The following BRMS1L variants were observed in gnomAD, a reference collection of about 807,000 sequenced individuals.
The protein encoded by BRMS1L is BRMS1 like transcriptional repressor.
BRMS1L carries 23 observed loss-of-function variants against 50.3 expected under a neutral mutation model. The observed-to-expected ratio is 0.46, with a 90% CI of 0.33 to 0.65. BRMS1L has a LOEUF of 0.65. Among genes scored for constraint, BRMS1L ranks in the 30% least tolerant of loss-of-function variants. The pLI is 0.02. For synonymous variants in BRMS1L, 114 were observed against 126.9 expected, an observed-to-expected ratio of 0.90 and a Z score of 0.69; for missense variants, 286 against 386.1, an observed-to-expected ratio of 0.74 and a Z score of 2.17.
At chr14:35,831,182 C>T (rs1241836529) in intron 1 of BRMS1L, among the ~76,000 whole-genome samples, 3 of 152,060 alleles carry the variant, frequency 2.0e-5, no homozygotes, top group African/African-American at 7.2e-5. Context: ...TCAATCTGTC[C>T]TCCTGACTTG....
In BRMS1L at chr14:35,863,744, A is replaced by G. The variant is rs556400331; in HGVS notation, c.539-126A>G. 39 of 736,072 alleles carry G rather than the reference A, an allele frequency of 5.3e-5. No individual in the cohort carries two copies. The African/African-American group carries it at 6.9e-4, about 13-fold the overall frequency. 45.6% of individuals were successfully genotyped at this position (736,072 alleles called of 1,614,324 possible). On this transcript the variant is annotated intron_variant, in intron 5 of 9. Transcript: ENST00000216807. Reference sequence around the variant, plus strand: ...ATTATGTACAGCTTAATCTATATATACCCAGCTGCCAATGAAGTTTTTTAC... The same window carrying G: ...ATTATGTACAGCTTAATCTATATATGCCCAGCTGCCAATGAAGTTTTTTAC...
At chr14:35,842,100 A>G (rs1301457803) in intron 4 of BRMS1L, among the ~76,000 whole-genome samples, 1 of 151,286 alleles carries the variant, frequency 6.6e-6, no homozygotes, top group Non-Finnish European at 1.5e-5. Flanking sequence ...CGTCTCCTGA[A>G]TACAGCATGC....
rs1428694894 is a variant in BRMS1L at position 35,870,453 on chromosome 14, A to G, written c.948A>G (p.Gly316=). 6.2e-7 allele frequency: 1 copy of G among 1,602,474 alleles called. No homozygotes were observed. The highest frequency in any genetic ancestry group is 1.3e-5 in the African/African-American group (1 of 74,548). Reference sequence around the variant, plus strand: ...TTTACATTTCACAGCTACAGAAAGGAAAATATTCAATTAAACATTCATAAT... The same window carrying G: ...TTTACATTTCACAGCTACAGAAAGGGAAATATTCAATTAAACATTCATAAT... ...SKLYISQLQK[G]KYSIKHS Residue 316 remains glycine (G), a synonymous_variant, in exon 10 of 10, where the codon GGA becomes GGG. Transcript: ENST00000216807.
chr14:35,831,584 C>G, intron 2 of BRMS1L, 84 bp downstream of exon 2: 1 of 1,006,972 alleles, frequency 9.9e-7, no homozygotes, highest in Non-Finnish European at 1.5e-6. Flanking sequence ...TAGATTCAGT[C>G]TCAGCTGTTT....
At chr14:35,856,730 A>G (rs1487076931) in intron 4 of BRMS1L, among the ~76,000 whole-genome samples, 2 of 151,888 alleles carry the variant, frequency 1.3e-5, no homozygotes, top group African/African-American at 4.8e-5. Context: ...TTGTGCCTCA[A>G]CGTCCTGAGT....
At chr14:35,849,245 C>T (rs2078177578) in intron 4 of BRMS1L, among the ~76,000 whole-genome samples, 1 of 152,100 alleles carries the variant, frequency 6.6e-6, no homozygotes, top group African/African-American at 2.4e-5. Context: ...ACAAGGGCTC[C>T]TTTTTCTGCA....
intron 4 of BRMS1L, chr14:35,858,552 A>G (rs1222485073): frequency 6.6e-6 from 1 of 152,260 alleles, no homozygotes; most frequent in African/African-American, 2.4e-5. Context: ...GCTTAACACA[A>G]CAATAAACAT....
rs539825723 is a variant in BRMS1L at position 35,832,965 on chromosome 14, T to A, written c.234-13T>A. 5.7e-6 allele frequency: 9 copies of A among 1,582,384 alleles called. No individual in the cohort carries two copies. Among genetic ancestry groups the A allele is most frequent in the Non-Finnish European group, 6.0e-6 (7 of 1,163,978 alleles). Reference sequence around the variant, plus strand: ...GATTTTTAAATTAACATATTAATTTTTGCTTTGTTAAGACTTTATAAAGAA... The same window carrying A: ...GATTTTTAAATTAACATATTAATTTATGCTTTGTTAAGACTTTATAAAGAA... On this transcript the variant is annotated splice_polypyrimidine_tract_variant and intron_variant, in intron 2 of 9. Coordinates refer to ENST00000216807, the MANE Select transcript of BRMS1L (RefSeq NM_032352.4).
intron 4 of BRMS1L, among the ~76,000 whole-genome samples, chr14:35,835,771 G>A (rs971483476): frequency 3.9e-5 from 6 of 152,128 alleles, no homozygotes; most frequent in Admixed American, 1.3e-4. Flanking sequence ...CTTGACCTTC[G>A]GAGGTTGAGG....
At chr14:35,867,084 A>T (rs2078431373) in intron 8 of BRMS1L, among the ~76,000 whole-genome samples, 1 of 152,124 alleles carries the variant, frequency 6.6e-6, no homozygotes, top group Admixed American at 6.5e-5. Context: ...TTCAGACAAC[A>T]TTTGTTGAAT....
At chr14:35,852,800 G>A (rs917956039) in intron 4 of BRMS1L, among the ~76,000 whole-genome samples, 15 of 152,016 alleles carry the variant, frequency 9.9e-5, no homozygotes, top group African/African-American at 3.1e-4. Flanking sequence ...GCGCGGTGGC[G>A]GGCACCTGTA....
At position 35,826,554 on chromosome 14, in the gene BRMS1L, A is replaced by C; in HGVS notation, c.38A>C (p.Asn13Thr). ...TCCCGAGGGGATAAGAAGGAGACCAACCATCACGATGAGATGGAGGTGGAC... is the reference window on the plus strand; with the variant it reads ...TCCCGAGGGGATAAGAAGGAGACCACCCATCACGATGAGATGGAGGTGGAC... ...VHSRGDKKET[N>T]HHDEMEVDYA... The change falls in exon 1 of 10, where the codon AAC becomes ACC. Residue 13 changes from asparagine (N) to threonine (T), a missense_variant. Transcript: ENST00000216807. 2 of 1,603,966 alleles carry C rather than the reference A, an allele frequency of 1.2e-6. No individual in the cohort carries two copies. The highest frequency in any genetic ancestry group is 1.7e-6 in the Non-Finnish European group (2 of 1,176,080).
chr14:35,839,533 C>A (rs1451662876), intron 4 of BRMS1L, among the ~76,000 whole-genome samples: 1 of 152,052 alleles, frequency 6.6e-6, no homozygotes, highest in East Asian at 1.9e-4. Context: ...TGTTTGTGTC[C>A]TCTCTTATTT....
chr14:35,834,670 A>G (rs1383959750), intron 3 of BRMS1L, among the ~76,000 whole-genome samples, 174 bp from the exon 4 acceptor site: 2 of 152,100 alleles, frequency 1.3e-5, no homozygotes, highest in African/African-American at 2.4e-5. Flanking sequence ...ATCTTTTTGG[A>G]TATATATTTT....
chr14:35,836,424 C>G (rs557667887), intron 4 of BRMS1L, among the ~76,000 whole-genome samples: 4 of 152,288 alleles, frequency 2.6e-5, no homozygotes, highest in African/African-American at 9.6e-5. Flanking sequence ...ACTGCAGCCT[C>G]TACTCCCCTG....
intron 4 of BRMS1L, among the ~76,000 whole-genome samples, chr14:35,848,252 C>T (rs893170145): frequency 4.6e-5 from 7 of 152,110 alleles, no homozygotes; most frequent in African/African-American, 1.7e-4. Context: ...TTAACATATC[C>T]GTCACCTCAC....
intron 4 of BRMS1L, among the ~76,000 whole-genome samples, chr14:35,837,342 T>A (rs2078008726): frequency 6.6e-6 from 1 of 152,208 alleles, no homozygotes; most frequent in African/African-American, 2.4e-5. Context: ...ACATACACCC[T>A]TGTTTCCCCA....
intron 4 of BRMS1L, among the ~76,000 whole-genome samples, chr14:35,862,039 A>G (rs2078358717): frequency 6.6e-6 from 1 of 152,188 alleles, no homozygotes; most frequent in Admixed American, 6.5e-5. Flanking sequence ...ATGGTTTTGT[A>G]GAAAGATTTG....
chr14:35,840,861 C>T (rs2078054217), intron 4 of BRMS1L, among the ~76,000 whole-genome samples: 1 of 151,534 alleles, frequency 6.6e-6, no homozygotes. Context: ...CAGTTCTGCT[C>T]CAATCTTTGT....
Sources: gnomAD v4.1 joint callset for allele counts (sites outside exome capture counted in the v4.1 genomes callset) on GRCh38, gnomAD v4.1.1 for gene constraint, MANE v1.5 for transcripts, NCBI Gene and HGNC (gene_info 2026-07-23, HGNC 2026-07-21) for gene names.